RBBP8: variants seen among roughly 807,000 people sequenced by gnomAD.
RBBP8 encodes the protein DNA endonuclease RBBP8.
RBBP8 carries 88 observed loss-of-function variants against 108.3 expected under a neutral mutation model. That is an observed-to-expected ratio of 0.81 (90% CI 0.68 to 0.97). The LOEUF is 0.97. Among genes scored for constraint, RBBP8 ranks in the 50% least tolerant of loss-of-function variants. The pLI is 0.00. For missense variants in RBBP8, 1,023 were observed against 1,049.0 expected, an observed-to-expected ratio of 0.98 and a Z score of 0.34; for synonymous variants, 332 against 348.2, an observed-to-expected ratio of 0.95 and a Z score of 0.52.
intron 10 of RBBP8, among the ~76,000 whole-genome samples, chr18:22,991,865 T>C: frequency 6.6e-6 from 1 of 152,334 alleles, no homozygotes; most frequent in Non-Finnish European, 1.5e-5. Flanking sequence ...TATAGATATC[T>C]ATCTATCTAT....
chr18:22,957,293 T>TTC (rs1912651257), intron 4 of RBBP8, among the ~76,000 whole-genome samples: 2 of 144,864 alleles, frequency 1.4e-5, no homozygotes, highest in Admixed American at 1.4e-4. Context: ...TACTTTTTCT[T>TTC]TTTTTTTTTT....
In RBBP8 at chr18:22,933,411, C is replaced by T. The variant is rs7227168; in HGVS notation, c.-252C>T. ...GCAGCCCCCGGCCTTAAAGCGCGGG[C>T]TGTCCGGAGGGGTCGGCTTTCCCAC... is the stretch of plus-strand genomic sequence containing the variant. On this transcript the variant is annotated 5_prime_UTR_variant, in exon 1 of 19. Coordinates refer to ENST00000327155, the MANE Select transcript of RBBP8 (RefSeq NM_002894.3). The T allele has an allele frequency of 0.16, 24,169 of 153,818 alleles. 2,294 individuals carry two copies. The highest frequency in any genetic ancestry group is 0.27 in the African/African-American group (11,300 of 41,536). 9.5% of individuals were successfully genotyped at this position (153,818 alleles called of 1,614,324 possible). A position where few individuals can be genotyped will look rare whatever the true frequency, so the allele number is the denominator to read the frequency against.
intron 3 of RBBP8, among the ~76,000 whole-genome samples, chr18:22,918,166 T>C (rs1265375987): frequency 1.3e-5 from 2 of 152,196 alleles, no homozygotes; most frequent in African/African-American, 4.8e-5. Context: ...TTAAATACTT[T>C]TTAAAAATTC....
chr18:22,979,865 A>G (rs998722487), intron 6 of RBBP8, among the ~76,000 whole-genome samples: 6 of 152,200 alleles, frequency 3.9e-5, no homozygotes, highest in African/African-American at 1.4e-4. Flanking sequence ...CTGTATGTCT[A>G]CTGTGGTAGG....
At chr18:22,949,194 G>A (rs569339482) in intron 3 of RBBP8, among the ~76,000 whole-genome samples, 1 of 152,272 alleles carries the variant, frequency 6.6e-6, no homozygotes, top group South Asian at 2.1e-4. Context: ...TCTGGGCGTA[G>A]GGTTCCCGTT....
At chr18:22,935,057 A>G (rs933576737) in intron 1 of RBBP8, among the ~76,000 whole-genome samples, 3 of 150,470 alleles carry the variant, frequency 2.0e-5, no homozygotes, top group Non-Finnish European at 4.4e-5. Flanking sequence ...ACAATTATAT[A>G]TAGGCCCATT....
intron 2 of RBBP8, among the ~76,000 whole-genome samples, chr18:22,916,559 T>G (rs1567935082): frequency 6.6e-6 from 1 of 152,082 alleles, no homozygotes; most frequent in Non-Finnish European, 1.5e-5. Context: ...TTATGTTGTA[T>G]AGTGTGTTAA....
chr18:23,004,056 C>CAAAAAAAAA (rs34653966), intron 15 of RBBP8, among the ~76,000 whole-genome samples: 5 of 69,656 alleles, frequency 7.2e-5, no homozygotes, highest in Non-Finnish European at 1.3e-4. Flanking sequence ...GACCCCGTCT[C>CAAAAAAAAA]AAAAAAAAAA....
At chr18:22,984,489 A>G (rs905284648) in intron 7 of RBBP8, among the ~76,000 whole-genome samples, 1 of 152,106 alleles carries the variant, frequency 6.6e-6, no homozygotes, top group Non-Finnish European at 1.5e-5. Flanking sequence ...GGCTCAAGAG[A>G]TCCTCCTGCC....
In RBBP8 at chr18:22,955,890, C is replaced by G. The variant is rs142494030; in HGVS notation, c.248+6177C>G. 4.0e-3 allele frequency among the ~76,000 whole-genome samples: 606 copies of G among 152,214 alleles called. 6 individuals carry two copies. The highest frequency in any genetic ancestry group is 0.014 in the African/African-American group (572 of 41,558). On this transcript the variant is annotated intron_variant, in intron 4 of 18. Transcript: ENST00000327155. ...CCACCGCGCCTGGCCAGGTTTATATCTTAAATCTGATCCCCGCTTCCATTT... is the reference window on the plus strand; with the variant it reads ...CCACCGCGCCTGGCCAGGTTTATATGTTAAATCTGATCCCCGCTTCCATTT...
intron 15 of RBBP8, chr18:23,004,935 G>A (rs1374409242): frequency 2.0e-5 from 3 of 152,668 alleles, no homozygotes; most frequent in African/African-American, 7.2e-5. Context: ...GGCCGAGGCA[G>A]GCGGATCACA....
intron 3 of RBBP8, among the ~76,000 whole-genome samples, chr18:22,920,403 T>C (rs1375403982): frequency 6.6e-6 from 1 of 152,192 alleles, no homozygotes; most frequent in Non-Finnish European, 1.5e-5. Flanking sequence ...AACAGTTCAT[T>C]GTGTTAAAGA....
chr18:22,943,941 G>A (rs776523198), intron 2 of RBBP8, among the ~76,000 whole-genome samples: 2 of 152,108 alleles, frequency 1.3e-5, no homozygotes, highest in Non-Finnish European at 2.9e-5. Flanking sequence ...TTATGTATGA[G>A]TGTGTGTAAG....
intron 2 of RBBP8, 42 bp downstream of exon 2, chr18:22,937,002 G>T: frequency 6.2e-7 from 1 of 1,610,598 alleles, no homozygotes; most frequent in South Asian, 1.1e-5. Flanking sequence ...ATTTTGTTGA[G>T]ACTGTAGTGG....
intron 3 of RBBP8, among the ~76,000 whole-genome samples, chr18:22,925,902 T>G (rs1311790101): frequency 6.6e-6 from 1 of 152,196 alleles, no homozygotes; most frequent in Non-Finnish European, 1.5e-5. Context: ...AAATAAACTT[T>G]TTTACTCTAC....
intron 3 of RBBP8, 138 bp from the exon 4 acceptor site, chr18:22,949,480 A>T: frequency 3.0e-6 from 2 of 671,942 alleles, no homozygotes; most frequent in South Asian, 1.8e-5. Context: ...ACTGTGATTT[A>T]CAAGATATTC....
chr18:22,941,658 A>G (rs886206687), intron 2 of RBBP8, among the ~76,000 whole-genome samples: 1 of 152,036 alleles, frequency 6.6e-6, no homozygotes, highest in Non-Finnish European at 1.5e-5. Flanking sequence ...AAAGCTTGCA[A>G]ATATTATGTA....
intron 4 of RBBP8, among the ~76,000 whole-genome samples, chr18:22,959,508 T>C (rs181658947): frequency 6.0e-4 from 91 of 152,246 alleles, no homozygotes; most frequent in African/African-American, 2.1e-3. Context: ...TTCTGCCACT[T>C]TCTCTATTTT....
rs954527502 is a variant in RBBP8 at position 23,000,378 on chromosome 18, T to C, written c.2144-1208T>C. On this transcript the variant is annotated intron_variant, in intron 14 of 18. Coordinates refer to ENST00000327155, the MANE Select transcript of RBBP8 (RefSeq NM_002894.3). ...AATATGGCATTGAATTCCTAATTTC[T>C]AGTAATACTAAACTACCAGATGCTA... Among the ~76,000 whole-genome samples, 13 of 152,206 alleles carry C rather than the reference T, an allele frequency of 8.5e-5. No individual in the cohort carries two copies. In the East Asian group the frequency reaches 1.3e-3, roughly 16 times the overall value.
Sources: allele counts gnomAD v4.1 joint callset (sites outside exome capture counted in the v4.1 genomes callset), GRCh38; gene constraint gnomAD v4.1.1; transcripts MANE v1.5; gene names NCBI Gene and HGNC (gene_info 2026-07-23, HGNC 2026-07-21).